The following RBM28 variants were observed in gnomAD, a reference collection of about 807,000 sequenced individuals.
The protein encoded by RBM28 is RNA binding motif protein 28.
A neutral mutation model predicts 98.3 loss-of-function variants in RBM28; 78 were observed. That is an observed-to-expected ratio of 0.79 (90% confidence interval 0.66 to 0.96). RBM28 has a LOEUF of 0.96. Ranked by LOEUF, RBM28 falls within the 40% of genes least tolerant of loss-of-function variation. RBM28 has a pLI of 0.00. For missense variants in RBM28, 838 were observed against 913.0 expected, an observed-to-expected ratio of 0.92 and a Z score of 1.06; for synonymous variants, 306 against 330.9, an observed-to-expected ratio of 0.92 and a Z score of 0.82.
In RBM28 at chr7:128,305,216, T is replaced by C. The variant is rs1237429176; in HGVS notation, c.*5581A>G. 6.8e-6 allele frequency: 1 copy of C among 147,250 alleles called. No homozygotes were observed. The highest frequency in any genetic ancestry group is 1.5e-5 in the Non-Finnish European group (1 of 66,702). 9.1% of individuals were successfully genotyped at this position (147,250 alleles called of 1,614,324 possible). ...ATCAATCCTGTTGTCTCACTGTAAATAGCATAAGAACAATGTTCTGGCCCC... is the reference window on the plus strand; with the variant it reads ...ATCAATCCTGTTGTCTCACTGTAAACAGCATAAGAACAATGTTCTGGCCCC... On this transcript the variant is annotated 3_prime_UTR_variant, in exon 19 of 19. Coordinates refer to ENST00000223073, the MANE Select transcript of RBM28 (RefSeq NM_018077.3).
intron 10 of RBM28, among the ~76,000 whole-genome samples, chr7:128,326,902 G>A (rs1381342660): frequency 6.6e-6 from 1 of 151,794 alleles, no homozygotes; most frequent in Non-Finnish European, 1.5e-5. Flanking sequence ...CTCTTTAGGA[G>A]ACCAAGGCAG....
intron 6 of RBM28, 110 bp from the exon 7 acceptor site, chr7:128,336,152 T>G: frequency 9.2e-7 from 1 of 1,088,058 alleles, no homozygotes; most frequent in South Asian, 1.5e-5. Context: ...TTTACAGAAT[T>G]TCGTATATTT....
At chr7:128,341,314 A>T (rs1796719267) in intron 1 of RBM28, 2 of 531,994 alleles carry the variant, frequency 3.8e-6, no homozygotes, top group South Asian at 3.5e-5. Flanking sequence ...GCACAAGAAA[A>T]TTCATAGCCC....
chr7:128,317,883 T>C lies in RBM28; in HGVS notation c.1713+74A>G, dbSNP rs1024053846. On this transcript the variant is annotated intron_variant, in intron 15 of 18. Coordinates refer to ENST00000223073, the MANE Select transcript of RBM28 (RefSeq NM_018077.3). ...CCACCCCTCAAATGTCAGAGGACAC[T>C]AGGCATAAAGGAGAAGGCTGGTTTC... 6 of 1,577,270 alleles carry C rather than the reference T, an allele frequency of 3.8e-6. No homozygotes were observed. The African/African-American group carries it at 8.1e-5, about 21-fold the overall frequency.
At position 128,301,851 on chromosome 7, in the gene RBM28, AACTG is replaced by A. The variant is rs1795786108; in HGVS notation, c.*8942_*8945del. On this transcript the variant is annotated 3_prime_UTR_variant, in exon 19 of 19. Transcript: ENST00000223073. ...CCCCCACAGGAAGGATGGGCCCAGA[AACTG>A]ACTTTCCATGGCTCCGACGAGGGGT... 6.6e-6 allele frequency: 1 copy of A among 152,268 alleles called. No homozygotes were observed. Among genetic ancestry groups the A allele is most frequent in the Non-Finnish European group, 1.5e-5 (1 of 68,074 alleles). 9.4% of individuals were successfully genotyped at this position (152,268 alleles called of 1,614,324 possible).
rs754623049 is a variant in RBM28 at position 128,324,639 on chromosome 7, C to A, written c.1259G>T (p.Arg420Leu). The A allele has an allele frequency of 1.2e-5, 19 of 1,614,080 alleles. No homozygotes were observed. The South Asian group carries it at 2.1e-4, about 18-fold the overall frequency. The stretch of plus-strand genomic sequence containing the variant: ...CGTCTGAAGCTTTGCAGCCTCATCA[C>A]GGGTCACCGCCAAGTCAACCTTGAG... ...RQLKVDLAVT[R>L]DEAAKLQTTK... Residue 420 changes from arginine to leucine, a missense_variant, in exon 12 of 19, where the codon CGT (arginine) becomes CTT (leucine). Physicochemically the swap from Arg to Leu is moderately radical, Grantham distance 102 (BLOSUM62 -2). Coordinates refer to ENST00000223073, the MANE Select transcript of RBM28 (RefSeq NM_018077.3).
intron 10 of RBM28, among the ~76,000 whole-genome samples, chr7:128,330,345 C>G (rs1396182000): frequency 6.9e-6 from 1 of 144,920 alleles, no homozygotes; most frequent in African/African-American, 2.5e-5. Flanking sequence ...AGTGTGACAC[C>G]ATTAAAGACC....
At chr7:128,321,459 A>G (rs750454751) in intron 13 of RBM28, 35 bp from the exon 14 acceptor site, 2 of 1,612,600 alleles carry the variant, frequency 1.2e-6, no homozygotes, top group Non-Finnish European at 1.7e-6. Flanking sequence ...AGTACAACCC[A>G]CTCTTTTTAA....
chr7:128,306,432 A>G lies in RBM28; in HGVS notation c.*4365T>C, dbSNP rs1795869599. ...CTTCACAAGCCCAGCTAGGCCCTGG[A>G]ACAAATGGCCTTTAGAGAGTTCAAC... On this transcript the variant is annotated 3_prime_UTR_variant, in exon 19 of 19. Coordinates refer to ENST00000223073, the MANE Select transcript of RBM28 (RefSeq NM_018077.3). 6.6e-6 allele frequency: 1 copy of G among 152,268 alleles called. No individual in the cohort carries two copies. The highest frequency in any genetic ancestry group is 1.5e-5 in the Non-Finnish European group (1 of 68,060). 9.4% of individuals were successfully genotyped at this position (152,268 alleles called of 1,614,324 possible).
chr7:128,314,843 C>T lies in RBM28; in HGVS notation c.1966G>A (p.Val656Met). The change falls in exon 17 of 19, where the codon GTG (valine) becomes ATG (methionine). Residue 656 changes from valine to methionine, a missense_variant. Physicochemically the swap from Val to Met is conservative, Grantham distance 21. Coordinates refer to ENST00000223073, the MANE Select transcript of RBM28 (RefSeq NM_018077.3). ...CCATCAGGCAGCTCCACCTGCTCCA[C>T]TTCAGCCTTGGTCTGGAACCCGGTC... ...SWTGFQTKAE[V>M]EQVELPDGKK... 1.9e-6 allele frequency: 3 copies of T among 1,614,188 alleles called. No individual in the cohort carries two copies. Among genetic ancestry groups the T allele is most frequent in the Non-Finnish European group, 2.5e-6 (3 of 1,180,026 alleles).
chr7:128,305,277 T>G lies in RBM28; in HGVS notation c.*5520A>C, dbSNP rs988467543. ...TGAGTTGCCAGGTTCTACGACAGGGTCTTCCCCACCATGGACCAGAATACA... is the reference window on the plus strand; with the variant it reads ...TGAGTTGCCAGGTTCTACGACAGGGGCTTCCCCACCATGGACCAGAATACA... On this transcript the variant is annotated 3_prime_UTR_variant, in exon 19 of 19. Transcript: ENST00000223073. 1 of 151,846 alleles carries G rather than the reference T, an allele frequency of 6.6e-6. No homozygotes were observed. Among genetic ancestry groups the G allele is most frequent in the Non-Finnish European group, 1.5e-5 (1 of 68,028 alleles). The allele number at this position is 151,846 out of a possible 1,614,324, so 9.4% of individuals were successfully genotyped here. A position where few individuals can be genotyped will look rare whatever the true frequency, so the allele number is the denominator to read the frequency against.
chr7:128,326,302 C>CA (rs773183550), intron 10 of RBM28, among the ~76,000 whole-genome samples: 671 of 50,946 alleles, frequency 0.013, 6 homozygotes, highest in African/African-American at 0.03. Context: ...GACTCCGTCT[C>CA]AAAAAAAAAA....
rs1299677837 is a variant in RBM28 at position 128,303,004 on chromosome 7, TCCTCCCATCTCAG to T, written c.*7780_*7792del. The T allele has an allele frequency of 6.6e-6, 1 of 152,148 alleles. No homozygotes were observed. Among genetic ancestry groups the T allele is most frequent in the Non-Finnish European group, 1.5e-5 (1 of 68,076 alleles). The allele number at this position is 152,148 out of a possible 1,614,324, so 9.4% of individuals were successfully genotyped here. The stretch of plus-strand genomic sequence containing the variant: ...GTCCTGAACTCCTGGCCTCAAGGGA[TCCTCCCATCTCAG>T]CCTCCCATAGTGCTGGGGTTACAGG... On this transcript the variant is annotated 3_prime_UTR_variant, in exon 19 of 19. Transcript: ENST00000223073.
At position 128,330,371 on chromosome 7, in the gene RBM28, C is replaced by CTTTT. The variant is rs72352301; in HGVS notation, c.1129+444_1129+447dup. The stretch of plus-strand genomic sequence containing the variant: ...ATTAAAGACCAGGATGTCCCTGGTC[C>CTTTT]TTTTTTTTTTTTTTTTTTTTTTTCG... On this transcript the variant is annotated intron_variant, in intron 10 of 18. Coordinates refer to ENST00000223073, the MANE Select transcript of RBM28 (RefSeq NM_018077.3). Among the ~76,000 whole-genome samples, 58 of 83,470 alleles carry CTTTT rather than the reference C, an allele frequency of 6.9e-4. 4 individuals are homozygous for CTTTT. Among genetic ancestry groups the CTTTT allele is most frequent in the Non-Finnish European group, 9.9e-4 (45 of 45,366 alleles). 54.8% of individuals were successfully genotyped at this position (83,470 alleles called of 152,430 possible).
chr7:128,340,528 T>A lies in RBM28; in HGVS notation c.119-737A>T, dbSNP rs192301994. 4.0e-4 allele frequency among the ~76,000 whole-genome samples: 61 copies of A among 152,230 alleles called. 1 individual carries two copies. The highest frequency in any genetic ancestry group is 3.7e-3 in the Admixed American group (56 of 15,292). ...AGCCTCCAGAACTTAAGAAATAAAT[T>A]TTTCTTTACAAAGTACCTAGTTTCA... On this transcript the variant is annotated intron_variant, in intron 1 of 18. Coordinates refer to ENST00000223073, the MANE Select transcript of RBM28 (RefSeq NM_018077.3).
chr7:128,341,760 G>A (rs140691906), intron 1 of RBM28, among the ~76,000 whole-genome samples: 186 of 152,238 alleles, frequency 1.2e-3, no homozygotes, highest in African/African-American at 4.4e-3. Flanking sequence ...ACCTGGGTAC[G>A]GAATGCTACT....
chr7:128,308,194 A>G lies in RBM28; in HGVS notation c.*2603T>C, dbSNP rs1034827473. Reference sequence around the variant, plus strand: ...TTCAACCTCATATAAAGAACTCTTTAAAGAACTGTACAACAGCTCTCCAAG... The same window carrying G: ...TTCAACCTCATATAAAGAACTCTTTGAAGAACTGTACAACAGCTCTCCAAG... On this transcript the variant is annotated 3_prime_UTR_variant, in exon 19 of 19. Transcript: ENST00000223073. The G allele has an allele frequency of 1.3e-5, 2 of 152,374 alleles. No homozygotes were observed. The highest frequency in any genetic ancestry group is 1.9e-4 in the East Asian group (1 of 5,194). 9.4% of individuals were successfully genotyped at this position (152,374 alleles called of 1,614,324 possible). A position where few individuals can be genotyped will look rare whatever the true frequency, so the allele number is the denominator to read the frequency against.
Position 128,338,259 on chromosome 7 carries a change from C to A in RBM28, c.532G>T (p.Glu178Ter), listed in dbSNP as rs1382616378. The A allele has an allele frequency of 1.2e-6, 2 of 1,613,716 alleles. No homozygotes were observed. Among genetic ancestry groups the A allele is most frequent in the Non-Finnish European group, 1.7e-6 (2 of 1,179,704 alleles). ...GKALKGMNMK[E>*]IKGRTVAVDW... is the part of the protein sequence containing the mutation. Reference sequence around the variant, plus strand: ...GGTATAGAAAGCTTACCTTTTATCTCTTTCATGTTCATGCCTTTGAGAGCT... The same window carrying A: ...GGTATAGAAAGCTTACCTTTTATCTATTTCATGTTCATGCCTTTGAGAGCT... Residue 178 changes from glutamate to a stop codon, truncating the protein, a stop_gained, in exon 5 of 19, where the codon GAG becomes TAG. Transcript: ENST00000223073. LOFTEE classifies it high-confidence loss of function.
rs34555266 is a variant in RBM28, at chr7:128,309,375, G to A, written c.*1422C>T. ...AGGCCAGGCGTGGTGGCTCACGCCT[G>A]TAATACCAGGACTTTGGGAGGTCGA... On this transcript the variant is annotated 3_prime_UTR_variant, in exon 19 of 19. Coordinates refer to ENST00000223073, the MANE Select transcript of RBM28 (RefSeq NM_018077.3). The A allele has an allele frequency of 0.11, 17,222 of 152,130 alleles. 1,358 individuals are homozygous for A. Among genetic ancestry groups the A allele is most frequent in the East Asian group, 0.25 (1,290 of 5,154 alleles). 9.4% of individuals were successfully genotyped at this position (152,130 alleles called of 1,614,324 possible).
Sources: allele counts gnomAD v4.1 joint callset (sites outside exome capture counted in the v4.1 genomes callset), GRCh38; gene constraint gnomAD v4.1.1; transcripts MANE v1.5; gene names NCBI Gene and HGNC (gene_info 2026-07-23, HGNC 2026-07-21).